Variants in PIP4P2 observed in about 807,000 individuals in gnomAD.
PIP4P2 encodes phosphatidylinositol-4,5-bisphosphate 4-phosphatase 2, also known as type 2 phosphatidylinositol 4,5-bisphosphate 4-phosphatase.
Under a neutral mutation model 33.3 loss-of-function variants are expected in PIP4P2, and 19 were observed. That is an observed-to-expected ratio of 0.57 (90% confidence interval 0.40 to 0.84). PIP4P2 has a LOEUF of 0.84. Ranked by LOEUF, PIP4P2 falls within the 40% of genes least tolerant of loss-of-function variation. The pLI is 0.00. For missense variants in PIP4P2, 270 were observed against 324.7 expected (o/e 0.83, Z 1.29); for synonymous variants, 110 against 111.9 (o/e 0.98, Z 0.11).
chr8:90,999,633 T>C (rs566919141), intron 5 of PIP4P2, among the ~76,000 whole-genome samples: 1 of 152,174 alleles, frequency 6.6e-6, no homozygotes, highest in South Asian at 2.1e-4. Flanking sequence ...GAGTGGCTAG[T>C]CAAATTCAGA....
intron 5 of PIP4P2, among the ~76,000 whole-genome samples, chr8:91,006,639 T>A (rs984568141): frequency 5.9e-5 from 9 of 152,228 alleles, no homozygotes; most frequent in African/African-American, 2.2e-4. Context: ...ATAAAGCAAC[T>A]ATCACTCTGC....
chr8:91,032,672 T>C (rs754511295), intron 1 of PIP4P2, among the ~76,000 whole-genome samples: 1 of 151,176 alleles, frequency 6.6e-6, no homozygotes, highest in Non-Finnish European at 1.5e-5. Flanking sequence ...TCTCATCTAC[T>C]TGGGAGGCTG....
intron 1 of PIP4P2, among the ~76,000 whole-genome samples, chr8:91,021,865 T>C (rs1428528889): frequency 6.6e-6 from 1 of 152,184 alleles, no homozygotes; most frequent in African/African-American, 2.4e-5. Flanking sequence ...GTCTTTATAT[T>C]GGAACCAGTA....
At chr8:90,996,183 C>T (rs981713094) in intron 6 of PIP4P2, among the ~76,000 whole-genome samples, 1 of 152,128 alleles carries the variant, frequency 6.6e-6, no homozygotes, top group African/African-American at 2.4e-5. Flanking sequence ...TTATCTTCCT[C>T]TTCTGGCATA....
chr8:91,036,642 T>C (rs1176560543), intron 1 of PIP4P2, among the ~76,000 whole-genome samples: 2 of 152,222 alleles, frequency 1.3e-5, no homozygotes, highest in East Asian at 3.8e-4. Flanking sequence ...TCATCTATTC[T>C]TGTCTACTCT....
chr8:91,026,227 A>C (rs1812082053), intron 1 of PIP4P2, among the ~76,000 whole-genome samples: 1 of 152,112 alleles, frequency 6.6e-6, no homozygotes, highest in South Asian at 2.1e-4. Context: ...GTTTGCTCCC[A>C]ATCTGCTTGC....
intron 4 of PIP4P2, among the ~76,000 whole-genome samples, chr8:91,014,074 A>G (rs76549704): frequency 1.6e-3 from 240 of 152,300 alleles, no homozygotes; most frequent in Admixed American, 2.7e-3. Flanking sequence ...AATGTATAAT[A>G]CCATAAGGAT....
At chr8:91,014,547 A>C (rs1201630889) in intron 4 of PIP4P2, among the ~76,000 whole-genome samples, 1 of 152,146 alleles carries the variant, frequency 6.6e-6, no homozygotes, top group African/African-American at 2.4e-5. Flanking sequence ...AAATAGTTTA[A>C]TTCATAGAAG....
chr8:91,003,204 G>A (rs1195672127), intron 5 of PIP4P2, among the ~76,000 whole-genome samples: 1 of 152,128 alleles, frequency 6.6e-6, no homozygotes, highest in African/African-American at 2.4e-5. Flanking sequence ...TGATGCCAGA[G>A]AATCTAAAAT....
intron 4 of PIP4P2, among the ~76,000 whole-genome samples, chr8:91,013,734 A>G (rs923270685): frequency 6.6e-6 from 1 of 151,998 alleles, no homozygotes; most frequent in African/African-American, 2.4e-5. Flanking sequence ...TGAGGTCTCT[A>G]TGTTGCCCAG....
intron 1 of PIP4P2, among the ~76,000 whole-genome samples, chr8:91,023,739 C>T (rs1339670113): frequency 6.6e-6 from 1 of 152,008 alleles, no homozygotes; most frequent in Non-Finnish European, 1.5e-5. Context: ...AGCTACTTCA[C>T]CAGCGCTTGT....
chr8:91,016,990 G>C (rs1247949052), intron 4 of PIP4P2, among the ~76,000 whole-genome samples: 3 of 152,076 alleles, frequency 2.0e-5, no homozygotes, highest in African/African-American at 7.2e-5. Context: ...GTTCAGCTGT[G>C]AACAAAATTT....
In PIP4P2 at chr8:90,995,518, G is replaced by C; in HGVS notation, c.*159C>G. On this transcript the variant is annotated 3_prime_UTR_variant, in exon 7 of 7. Coordinates refer to ENST00000285419, the MANE Select transcript of PIP4P2 (RefSeq NM_018710.3). The stretch of plus-strand genomic sequence containing the variant: ...AGCAAAACAATTTGCATATAATATA[G>C]TGCAATGAGCATTTGTTCATAAAAG... 4 of 802,324 alleles carry C rather than the reference G, an allele frequency of 5.0e-6. No homozygotes were observed. Among genetic ancestry groups the C allele is most frequent in the Non-Finnish European group, 7.0e-6 (4 of 570,270 alleles). 49.7% of individuals were successfully genotyped at this position (802,324 alleles called of 1,614,324 possible). A position where few individuals can be genotyped will look rare whatever the true frequency, so the allele number is the denominator to read the frequency against.
At chr8:91,017,564 T>C (rs1202169111) in intron 4 of PIP4P2, among the ~76,000 whole-genome samples, 4 of 152,114 alleles carry the variant, frequency 2.6e-5, no homozygotes, top group East Asian at 3.8e-4. Flanking sequence ...TAGAACTATA[T>C]ACATAAAGTT....
chr8:91,015,175 C>T (rs1268790844), intron 4 of PIP4P2, among the ~76,000 whole-genome samples: 1 of 152,114 alleles, frequency 6.6e-6, no homozygotes, highest in Non-Finnish European at 1.5e-5. Context: ...TCTCTTAGCT[C>T]CTAAAAGGCT....
At chr8:91,029,136 C>T (rs918906952) in intron 1 of PIP4P2, among the ~76,000 whole-genome samples, 3 of 151,672 alleles carry the variant, frequency 2.0e-5, no homozygotes, top group African/African-American at 4.8e-5. Flanking sequence ...ATTAAAAATA[C>T]AAAAATTAGC....
intron 5 of PIP4P2, among the ~76,000 whole-genome samples, chr8:91,004,203 A>AG: frequency 6.6e-6 from 1 of 152,252 alleles, no homozygotes; most frequent in Non-Finnish European, 1.5e-5. Context: ...TGCGGAGCTG[A>AG]GGGACCACTG....
intron 1 of PIP4P2, among the ~76,000 whole-genome samples, chr8:91,029,533 T>A (rs1339882354): frequency 6.6e-6 from 1 of 152,176 alleles, no homozygotes; most frequent in Non-Finnish European, 1.5e-5. Flanking sequence ...ATCACCATCA[T>A]GACATCCTTC....
At chr8:91,006,089 T>G (rs572765043) in intron 5 of PIP4P2, among the ~76,000 whole-genome samples, 104 of 152,318 alleles carry the variant, frequency 6.8e-4, no homozygotes, top group African/African-American at 2.5e-3. Context: ...TTCTGTAACT[T>G]AAAACTAATT....
Sources: gnomAD v4.1 joint callset for allele counts (sites outside exome capture counted in the v4.1 genomes callset) on GRCh38, gnomAD v4.1.1 for gene constraint, MANE v1.5 for transcripts, NCBI Gene and HGNC (gene_info 2026-07-23, HGNC 2026-07-21) for gene names.